Variants in SMO observed in about 807,000 individuals in gnomAD.
The protein encoded by SMO is protein smoothened.
SMO carries 40 observed loss-of-function variants against 81.6 expected under a neutral mutation model. That is an observed-to-expected ratio of 0.49 (90% confidence interval 0.38 to 0.64). SMO has a LOEUF of 0.64. Among genes scored for constraint, SMO ranks in the 30% least tolerant of loss-of-function variants. The pLI, the probability that SMO is intolerant of heterozygous loss-of-function variation, is 0.00. For synonymous variants in SMO, 434 were observed against 432.1 expected, an observed-to-expected ratio of 1.00 and a Z score of -0.05; for missense variants, 916 against 1,061.1, an observed-to-expected ratio of 0.86 and a Z score of 1.90.
intron 1 of SMO, among the ~76,000 whole-genome samples, chr7:129,191,817 C>G (rs1793486165): frequency 6.6e-6 from 1 of 152,048 alleles, no homozygotes; most frequent in African/African-American, 2.4e-5. Context: ...CCTGTGAGTA[C>G]TGAGTACACA....
chr7:129,210,859 C>T lies in SMO; in HGVS notation c.1653-106C>T. ...CTGAGTCCTTGAAGGACTTGAGGCC[C>T]TTGGGAGCCTCCTTCTCTGGAAAGA... On this transcript the variant is annotated intron_variant, in intron 9 of 11. Transcript: ENST00000249373. The surrounding 1 kb of genome is among the most constrained non-coding windows in gnomAD (Gnocchi z 4.7). 1 of 1,324,378 alleles carries T rather than the reference C, an allele frequency of 7.6e-7. No homozygotes were observed. The allele number at this position is 1,324,378 out of a possible 1,614,324, so 82.0% of individuals were successfully genotyped here.
Position 129,211,854 on chromosome 7 carries a change from AG to A in SMO, c.1936+86del. The A allele has an allele frequency of 6.5e-7, 1 of 1,548,598 alleles. No individual in the cohort carries two copies. Among genetic ancestry groups the A allele is most frequent in the Non-Finnish European group, 8.9e-7 (1 of 1,124,830 alleles). On this transcript the variant is annotated intron_variant, in intron 11 of 11. Coordinates refer to ENST00000249373, the MANE Select transcript of SMO (RefSeq NM_005631.5). This position sits in a 1 kb window ranked among gnomAD's most constrained non-coding sequence, Gnocchi z 4.6. ...GGGACTGGAGTACAGGGGCTGTCGG[AG>A]GAGGAGGAAGAGGAAGGAAAGGCCC...
chr7:129,197,785 G>A (rs931006837), intron 1 of SMO, among the ~76,000 whole-genome samples: 49 of 152,040 alleles, frequency 3.2e-4, no homozygotes, highest in African/African-American at 8.4e-4. Flanking sequence ...CCTTTAACCT[G>A]TTAATGTAGT....
chr7:129,209,089 C>T (rs1793821289), intron 7 of SMO, 200 bp from the exon 8 acceptor site: 2 of 608,704 alleles, frequency 3.3e-6, no homozygotes, highest in Non-Finnish European at 5.9e-6. Context: ...CACTACGTCC[C>T]ACGTGGTCCC....
At chr7:129,194,407 T>C (rs928676952) in intron 1 of SMO, among the ~76,000 whole-genome samples, 1 of 152,110 alleles carries the variant, frequency 6.6e-6, no homozygotes, top group South Asian at 2.1e-4. Flanking sequence ...TTTTTAATTG[T>C]GAAATATAAC....
rs1277646673 is a variant in SMO at position 129,206,724 on chromosome 7, G to A, written c.1264+137G>A. The A allele has an allele frequency of 4.7e-6, 4 of 844,124 alleles. No homozygotes were observed. The highest frequency in any genetic ancestry group is 7.4e-6 in the Non-Finnish European group (4 of 537,042). The allele number at this position is 844,124 out of a possible 1,614,324, so 52.3% of individuals were successfully genotyped here. ...CCTATAGGGCCTTCACACAGTAGAA[G>A]GTGACCCTCTAGGCAGACGAAACAC... On this transcript the variant is annotated intron_variant, in intron 6 of 11. Coordinates refer to ENST00000249373, the MANE Select transcript of SMO (RefSeq NM_005631.5). This position sits in a 1 kb window ranked among gnomAD's most constrained non-coding sequence, Gnocchi z 4.4.
intron 4 of SMO, among the ~76,000 whole-genome samples, 163 bp from the exon 5 acceptor site, chr7:129,205,987 G>A (rs547262855): frequency 6.6e-6 from 1 of 152,266 alleles, no homozygotes; most frequent in Non-Finnish European, 1.5e-5. Context: ...TCAAAGGGGC[G>A]GCTCCTAGAG....
At position 129,191,553 on chromosome 7, in the gene SMO, G is replaced by A. The variant is rs957942093; in HGVS notation, c.331+2071G>A. The stretch of plus-strand genomic sequence containing the variant: ...GGACTTGCAAGTAGGGCAGAAGCAG[G>A]TGTTGGCTTGAGCTGGGTAATGAGT... On this transcript the variant is annotated intron_variant, in intron 1 of 11. Transcript: ENST00000249373. Among the ~76,000 whole-genome samples, 4 of 152,264 alleles carry A rather than the reference G, an allele frequency of 2.6e-5. No individual in the cohort carries two copies. The South Asian group carries it at 6.2e-4, about 24-fold the overall frequency.
chr7:129,201,090 A>G (rs980474634), intron 1 of SMO, among the ~76,000 whole-genome samples: 1 of 151,994 alleles, frequency 6.6e-6, no homozygotes, highest in African/African-American at 2.4e-5. Context: ...TCTGTCGCCT[A>G]GGCTGGAGTG....
chr7:129,209,375 C>A lies in SMO; in HGVS notation c.1444C>A (p.Arg482Ser), dbSNP rs755295928. 1 of 1,612,500 alleles carries A rather than the reference C, an allele frequency of 6.2e-7. No individual in the cohort carries two copies. The highest frequency in any genetic ancestry group is 1.1e-5 in the South Asian group (1 of 91,042). Residue 482 changes from arginine to serine, a missense_variant, in exon 8 of 12, where the codon CGC becomes AGC. By Grantham distance (110) the Arg-to-Ser change is moderately radical. Coordinates refer to ENST00000249373, the MANE Select transcript of SMO (RefSeq NM_005631.5). ...YDFFNQAEWE[R>S]SFRDYVLCQA... Reference sequence around the variant, plus strand: ...CTTCTTCAACCAGGCTGAGTGGGAGCGCAGCTTCCGGGACTATGTGCTGTG... The same window carrying A: ...CTTCTTCAACCAGGCTGAGTGGGAGAGCAGCTTCCGGGACTATGTGCTGTG...
chr7:129,207,642 C>T (rs948730477), intron 6 of SMO, among the ~76,000 whole-genome samples: 2 of 152,118 alleles, frequency 1.3e-5, no homozygotes, highest in Non-Finnish European at 2.9e-5. Flanking sequence ...TCCTGTAATC[C>T]CAGTACTTTG....
At chr7:129,199,182 C>CTTTTTTTTT (rs71526090) in intron 1 of SMO, among the ~76,000 whole-genome samples, 4 of 126,648 alleles carry the variant, frequency 3.2e-5, no homozygotes, top group African/African-American at 5.9e-5. Flanking sequence ...ATTTTCTTTT[C>CTTTTTTTTT]TTTTTTTTTT....
At position 129,211,500 on chromosome 7, in the gene SMO, G is replaced by C. The variant is rs575345659; in HGVS notation, c.1802-136G>C. The C allele has an allele frequency of 8.4e-6, 8 of 952,308 alleles. No individual in the cohort carries two copies. The highest frequency in any genetic ancestry group is 1.3e-5 in the Non-Finnish European group (8 of 599,376). 59.0% of individuals were successfully genotyped at this position (952,308 alleles called of 1,614,324 possible). The stretch of plus-strand genomic sequence containing the variant: ...AGATTCTGAAGGGGTAGAGATCACC[G>C]TGGTTACAGGGTGAGCTTTCTCTGG... On this transcript the variant is annotated intron_variant, in intron 10 of 11. Transcript: ENST00000249373. This position sits in a 1 kb window ranked among gnomAD's most constrained non-coding sequence, Gnocchi z 4.6.
In SMO at chr7:129,188,767, A is replaced by C; in HGVS notation, c.-385A>C. On this transcript the variant is annotated 5_prime_UTR_variant, in exon 1 of 12. Coordinates refer to ENST00000249373, the MANE Select transcript of SMO (RefSeq NM_005631.5). This position sits in a 1 kb window ranked among gnomAD's most constrained non-coding sequence, Gnocchi z 4.9. ...GGCGCGGGGGCGGAGCCGGAGCTGC[A>C]CTCGCACCCCCGGCCCGCGTCTGGC... 5.3e-6 allele frequency: 1 copy of C among 189,656 alleles called. No individual in the cohort carries two copies. Among genetic ancestry groups the C allele is most frequent in the East Asian group, 8.4e-5 (1 of 11,970 alleles). The allele number at this position is 189,656 out of a possible 1,614,324, so 11.7% of individuals were successfully genotyped here.
chr7:129,199,825 T>C (rs926009952), intron 1 of SMO, among the ~76,000 whole-genome samples: 1 of 152,222 alleles, frequency 6.6e-6, no homozygotes, highest in Non-Finnish European at 1.5e-5. Flanking sequence ...CGAAATATTC[T>C]TTTTTTAAAC....
At chr7:129,195,692 C>G (rs932809187) in intron 1 of SMO, among the ~76,000 whole-genome samples, 3 of 152,126 alleles carry the variant, frequency 2.0e-5, no homozygotes, top group Admixed American at 6.6e-5. Flanking sequence ...AGATCTGGTG[C>G]AGGTGTAATA....
In SMO at chr7:129,206,652, T is replaced by G; in HGVS notation, c.1264+65T>G. On this transcript the variant is annotated intron_variant, in intron 6 of 11. Coordinates refer to ENST00000249373, the MANE Select transcript of SMO (RefSeq NM_005631.5). The surrounding 1 kb of genome is among the most constrained non-coding windows in gnomAD (Gnocchi z 4.4). ...TATACTGGGCACTTGCTGCCAGTAC[T>G]GGGAGCTGCCAGCACGGCTGCCCCC... The G allele has an allele frequency of 6.4e-7, 1 of 1,568,110 alleles. No individual in the cohort carries two copies. The highest frequency in any genetic ancestry group is 8.7e-7 in the Non-Finnish European group (1 of 1,148,856).
chr7:129,209,428 G>A (rs1793828766), intron 8 of SMO, 31 bp downstream of exon 8: 1 of 1,474,178 alleles, frequency 6.8e-7, no homozygotes, highest in African/African-American at 1.4e-5. Context: ...CGGCAGTGCT[G>A]GGAGCTGGAG....
chr7:129,189,281 G>T lies in SMO; in HGVS notation c.130G>T (p.Ala44Ser). Residue 44 changes from alanine (A) to serine (S), a missense_variant, in exon 1 of 12, where the codon GCG (alanine) becomes TCG (serine). Coordinates refer to ENST00000249373, the MANE Select transcript of SMO (RefSeq NM_005631.5). The surrounding 1 kb of genome is among the most constrained non-coding windows in gnomAD (Gnocchi z 4.7). The part of the protein sequence containing the change: ...GNATGPGPRS[A>S]GGSARRSAAV... ...CGCGACCGGGCCTGGGCCTCGGAGC[G>T]CGGGCGGGAGCGCGAGGAGGAGCGC... 3.6e-6 allele frequency: 5 copies of T among 1,400,148 alleles called. No individual in the cohort carries two copies. The highest frequency in any genetic ancestry group is 4.6e-6 in the Non-Finnish European group (5 of 1,087,588). The allele number at this position is 1,400,148 out of a possible 1,614,324, so 86.7% of individuals were successfully genotyped here. A position where few individuals can be genotyped will look rare whatever the true frequency, so the allele number is the denominator to read the frequency against.
Sources: allele counts gnomAD v4.1 joint callset (sites outside exome capture counted in the v4.1 genomes callset), GRCh38; gene constraint gnomAD v4.1.1; non-coding constraint Gnocchi (gnomAD v3.1); transcripts MANE v1.5; gene names NCBI Gene and HGNC (gene_info 2026-07-23, HGNC 2026-07-21).